Variants in MAN1A1 observed in about 807,000 individuals in gnomAD.
MAN1A1 encodes mannosidase alpha class 1A member 1, also known as mannosyl-oligosaccharide 1,2-alpha-mannosidase IA.
MAN1A1 carries 29 observed loss-of-function variants against 70.8 expected under a neutral mutation model. The ratio of observed to expected loss-of-function variants is 0.41; its 90% CI spans 0.31 to 0.56. The LOEUF (loss-of-function observed/expected upper bound fraction) is 0.56, where lower values mean the gene tolerates loss of function less well. MAN1A1 is among the 20% of genes least tolerant of loss of function. MAN1A1 has a pLI of 0.29. For synonymous variants in MAN1A1, 349 were observed against 330.1 expected, an observed-to-expected ratio of 1.06 and a Z score of -0.62; for missense variants, 747 against 841.3, an observed-to-expected ratio of 0.89 and a Z score of 1.39.
At position 119,192,948 on chromosome 6, in the gene MAN1A1, T is replaced by C. The variant is rs184836727; in HGVS notation, c.1326+829A>G. 1.9e-3 allele frequency among the ~76,000 whole-genome samples: 291 copies of C among 152,330 alleles called. 1 individual carries two copies. Among genetic ancestry groups the C allele is most frequent in the African/African-American group, 6.6e-3 (276 of 41,590 alleles). On this transcript the variant is annotated intron_variant, in intron 9 of 12. Transcript: ENST00000368468. ...CTAGCCTCCTCCTAGAGACTTTAAG[T>C]AGTTTCTAACTTACCTTACTAACTT...
intron 4 of MAN1A1, among the ~76,000 whole-genome samples, chr6:119,291,028 AAAAT>A (rs1776525584): frequency 1.3e-5 from 2 of 151,958 alleles, no homozygotes; most frequent in Non-Finnish European, 2.9e-5. Context: ...AAACATACTT[AAAAT>A]AAATGATACG....
At chr6:119,289,686 A>C (rs983475668) in intron 5 of MAN1A1, among the ~76,000 whole-genome samples, 1 of 152,042 alleles carries the variant, frequency 6.6e-6, no homozygotes, top group Non-Finnish European at 1.5e-5. Flanking sequence ...TCTAAGGTAG[A>C]ATAAAATCTA....
chr6:119,328,246 T>C (rs1773208499), intron 2 of MAN1A1, among the ~76,000 whole-genome samples: 2 of 152,250 alleles, frequency 1.3e-5, no homozygotes, highest in Admixed American at 6.5e-5. Context: ...GACAGGGATT[T>C]AGAAACCCGG....
intron 5 of MAN1A1, among the ~76,000 whole-genome samples, chr6:119,251,973 G>A (rs925672763): frequency 4.6e-5 from 7 of 152,042 alleles, no homozygotes; most frequent in Admixed American, 3.3e-4. Context: ...CCCCTCGAGA[G>A]GTCTTTTCCT....
intron 5 of MAN1A1, among the ~76,000 whole-genome samples, chr6:119,272,937 GTAAA>G (rs1284380908): frequency 1.3e-5 from 2 of 152,030 alleles, no homozygotes; most frequent in Non-Finnish European, 2.9e-5. Context: ...AGATGTTGTT[GTAAA>G]TAAACAACCT....
At chr6:119,293,338 T>C (rs183307106) in intron 4 of MAN1A1, among the ~76,000 whole-genome samples, 1 of 152,242 alleles carries the variant, frequency 6.6e-6, no homozygotes, top group East Asian at 1.9e-4. Context: ...TCTATTTATC[T>C]TGTACTGTAC....
intron 6 of MAN1A1, chr6:119,211,030 G>A: frequency 2.6e-6 from 1 of 379,162 alleles, no homozygotes; most frequent in South Asian, 2.0e-5. Flanking sequence ...CTTCAAGTTG[G>A]AATAGAAGCA....
rs1383803079 is a variant in MAN1A1 at position 119,349,286 on chromosome 6, C to T, written c.-221G>A. ...CGCGCGACAGACCGCTGGCTGCAGCCCCTGCGGGGAGAGAAACAGTAAAAC... is the reference window on the plus strand; with the variant it reads ...CGCGCGACAGACCGCTGGCTGCAGCTCCTGCGGGGAGAGAAACAGTAAAAC... On this transcript the variant is annotated splice_region_variant and 5_prime_UTR_variant, in exon 2 of 13. Transcript: ENST00000368468. 2 of 1,210,426 alleles carry T rather than the reference C, an allele frequency of 1.7e-6. No homozygotes were observed. The highest frequency in any genetic ancestry group is 2.1e-6 in the Non-Finnish European group (2 of 974,890). 75.0% of individuals were successfully genotyped at this position (1,210,426 alleles called of 1,614,324 possible). A position where few individuals can be genotyped will look rare whatever the true frequency, so the allele number is the denominator to read the frequency against.
chr6:119,219,730 T>C (rs1774305792), intron 6 of MAN1A1, among the ~76,000 whole-genome samples: 1 of 152,110 alleles, frequency 6.6e-6, no homozygotes, highest in Non-Finnish European at 1.5e-5. Context: ...GTGTAACAAA[T>C]TGCTACTGTT....
At chr6:119,203,835 G>C (rs954303326) in intron 7 of MAN1A1, among the ~76,000 whole-genome samples, 1 of 152,162 alleles carries the variant, frequency 6.6e-6, no homozygotes, top group African/African-American at 2.4e-5. Context: ...AACAGATATA[G>C]AGTCTGGAGT....
rs1322955535 is a variant in MAN1A1, at chr6:119,188,586, C to G, written c.1547-9G>C. The stretch of plus-strand genomic sequence containing the variant: ...TGGTCCCAGTTTCATAACTAAAGGA[C>G]ATGGAATGAATGAATAAGGGTTATT... On this transcript the variant is annotated splice_polypyrimidine_tract_variant and intron_variant, in intron 10 of 12. Coordinates refer to ENST00000368468, the MANE Select transcript of MAN1A1 (RefSeq NM_005907.4). 3 of 1,609,782 alleles carry G rather than the reference C, an allele frequency of 1.9e-6. No individual in the cohort carries two copies. The Admixed American group carries it at 5.1e-5, about 27-fold the overall frequency.
intron 6 of MAN1A1, among the ~76,000 whole-genome samples, chr6:119,206,172 T>C (rs909401651): frequency 3.9e-5 from 6 of 152,082 alleles, no homozygotes; most frequent in African/African-American, 7.2e-5. Context: ...GAGGCAGCTG[T>C]TACACTGCAG....
chr6:119,331,590 T>TATATATATA (rs1773316519), intron 2 of MAN1A1, among the ~76,000 whole-genome samples: 1 of 146,750 alleles, frequency 6.8e-6, no homozygotes, highest in Non-Finnish European at 1.5e-5. Context: ...TATATATATA[T>TATATATATA]ATATATATAA....
intron 5 of MAN1A1, among the ~76,000 whole-genome samples, chr6:119,259,875 T>C (rs746395265): frequency 5.7e-4 from 87 of 152,300 alleles, no homozygotes; most frequent in Non-Finnish European, 1.0e-3. Flanking sequence ...AATGAATACA[T>C]TCTCATTATT....
At chr6:119,269,263 C>T in intron 5 of MAN1A1, 1 of 285,918 alleles carries the variant, frequency 3.5e-6, no homozygotes, top group Non-Finnish European at 6.9e-6. Flanking sequence ...TCTTCCTCTT[C>T]TCCTGGGTGG....
chr6:119,338,388 A>T (rs1056067386), intron 2 of MAN1A1, among the ~76,000 whole-genome samples: 1 of 152,164 alleles, frequency 6.6e-6, no homozygotes, highest in African/African-American at 2.4e-5. Flanking sequence ...CTTTAAAAAT[A>T]AAATATCTTT....
At chr6:119,214,794 C>T (rs1774151870) in intron 6 of MAN1A1, among the ~76,000 whole-genome samples, 1 of 152,140 alleles carries the variant, frequency 6.6e-6, no homozygotes, top group Non-Finnish European at 1.5e-5. Flanking sequence ...GCATGAACTA[C>T]CACACTTGGC....
chr6:119,260,603 TA>T (rs1389639748), intron 5 of MAN1A1, among the ~76,000 whole-genome samples: 4 of 152,256 alleles, frequency 2.6e-5, no homozygotes, highest in Admixed American at 2.0e-4. Flanking sequence ...TATACTTTGC[TA>T]ATCCCTGAAT....
chr6:119,349,257 G>A lies in MAN1A1; in HGVS notation c.-192C>T. On this transcript the variant is annotated 5_prime_UTR_variant, in exon 2 of 13. Coordinates refer to ENST00000368468, the MANE Select transcript of MAN1A1 (RefSeq NM_005907.4). ...CCCGGGGCGGCTCCTCGGGCACACAGGCACGCGCGACAGACCGCTGGCTGC... is the reference window on the plus strand; with the variant it reads ...CCCGGGGCGGCTCCTCGGGCACACAAGCACGCGCGACAGACCGCTGGCTGC... The A allele has an allele frequency of 1.6e-6, 2 of 1,214,314 alleles. No individual in the cohort carries two copies. Among genetic ancestry groups the A allele is most frequent in the East Asian group, 3.4e-5 (1 of 29,666 alleles). 75.2% of individuals were successfully genotyped at this position (1,214,314 alleles called of 1,614,324 possible).
Sources: gnomAD v4.1 joint callset for allele counts (sites outside exome capture counted in the v4.1 genomes callset) on GRCh38, gnomAD v4.1.1 for gene constraint, MANE v1.5 for transcripts, NCBI Gene and HGNC (gene_info 2026-07-23, HGNC 2026-07-21) for gene names.